Variants in NCAM2 observed in about 807,000 individuals in gnomAD.
NCAM2 encodes neural cell adhesion molecule 2, also known as N-CAM-2.
A neutral mutation model predicts 98.1 loss-of-function variants in NCAM2; 30 were observed. The ratio of observed to expected loss-of-function variants is 0.31; its 90% CI spans 0.23 to 0.41. The LOEUF (loss-of-function observed/expected upper bound fraction) is 0.41. Among genes scored for constraint, NCAM2 ranks in the 10% least tolerant of loss-of-function variants. The pLI is 1.00. For synonymous variants in NCAM2, 368 were observed against 342.4 expected (o/e 1.07, Z -0.83); for missense variants, 867 against 1,005.8 (o/e 0.86, Z 1.87).
intron 14 of NCAM2, among the ~76,000 whole-genome samples, chr21:21,473,213 C>T (rs964407663): frequency 6.6e-6 from 1 of 151,162 alleles, no homozygotes. Context: ...ATGAATCTGA[C>T]AGTGCCATGG....
At chr21:21,281,943 A>G (rs1369121467) in intron 2 of NCAM2, among the ~76,000 whole-genome samples, 4 of 151,768 alleles carry the variant, frequency 2.6e-5, no homozygotes, top group African/African-American at 4.8e-5. Flanking sequence ...TATGTATAAC[A>G]TGTCACATTT....
At chr21:21,096,377 A>C (rs1243399968) in intron 1 of NCAM2, among the ~76,000 whole-genome samples, 1 of 141,524 alleles carries the variant, frequency 7.1e-6, no homozygotes, top group Non-Finnish European at 1.5e-5. Context: ...AGTGCAAATT[A>C]AAACTGTGTA....
chr21:21,211,023 C>T (rs1276266692), intron 1 of NCAM2, among the ~76,000 whole-genome samples: 2 of 133,878 alleles, frequency 1.5e-5, no homozygotes, highest in African/African-American at 5.3e-5. Context: ...CACACACACA[C>T]GGGTTAGTAT....
At chr21:21,178,442 T>G (rs560684229) in intron 1 of NCAM2, among the ~76,000 whole-genome samples, 3 of 152,236 alleles carry the variant, frequency 2.0e-5, no homozygotes, top group African/African-American at 7.2e-5. Flanking sequence ...TCTACAATTT[T>G]TAATTTTTAT....
chr21:21,313,663 A>G (rs1433811207), intron 5 of NCAM2, among the ~76,000 whole-genome samples: 4 of 151,942 alleles, frequency 2.6e-5, no homozygotes, highest in Admixed American at 2.6e-4. Context: ...CTGTGTTTTT[A>G]TTCATGAAAT....
chr21:21,396,041 A>G (rs922439045), intron 9 of NCAM2, among the ~76,000 whole-genome samples: 5 of 152,202 alleles, frequency 3.3e-5, no homozygotes, highest in African/African-American at 1.2e-4. Flanking sequence ...AAATTTCTCT[A>G]CAGAAAAAGA....
chr21:21,388,226 C>T (rs1399091817), intron 9 of NCAM2, among the ~76,000 whole-genome samples: 5 of 152,284 alleles, frequency 3.3e-5, no homozygotes, highest in Middle Eastern at 3.4e-3. Context: ...CTAAGCCAAA[C>T]ATCAGTTCAT....
intron 12 of NCAM2, among the ~76,000 whole-genome samples, chr21:21,442,324 G>C (rs918126961): frequency 2.0e-5 from 3 of 152,162 alleles, no homozygotes; most frequent in African/African-American, 7.2e-5. Context: ...TTTAAAGGTA[G>C]TGTCCAGAGA....
At chr21:21,332,734 A>G (rs933149067) in intron 6 of NCAM2, among the ~76,000 whole-genome samples, 3 of 152,078 alleles carry the variant, frequency 2.0e-5, no homozygotes, top group Non-Finnish European at 2.9e-5. Flanking sequence ...ACCCAGATAC[A>G]TTGCCTGACT....
intron 9 of NCAM2, among the ~76,000 whole-genome samples, chr21:21,398,905 C>T (rs1395876862): frequency 2.6e-5 from 4 of 152,134 alleles, no homozygotes; most frequent in Admixed American, 2.6e-4. Flanking sequence ...TGAGAGTTGG[C>T]AGGAGGAAAA....
intron 1 of NCAM2, among the ~76,000 whole-genome samples, chr21:21,262,867 G>C (rs2071972588): frequency 6.6e-6 from 1 of 152,046 alleles, no homozygotes. Context: ...GCAGCAGAGA[G>C]AGAAGAGAGC....
chr21:21,305,024 A>T (rs2073836547), intron 5 of NCAM2, among the ~76,000 whole-genome samples: 1 of 152,186 alleles, frequency 6.6e-6, no homozygotes, highest in African/African-American at 2.4e-5. Context: ...CATAAATGAT[A>T]ATATCACTGT....
chr21:21,328,098 C>CT (rs1568938526), intron 6 of NCAM2, among the ~76,000 whole-genome samples: 1 of 152,076 alleles, frequency 6.6e-6, no homozygotes, highest in Non-Finnish European at 1.5e-5. Context: ...GCATAATGAC[C>CT]TATCAATGAC....
intron 5 of NCAM2, among the ~76,000 whole-genome samples, chr21:21,298,894 C>T (rs927913895): frequency 1.3e-5 from 2 of 151,100 alleles, no homozygotes; most frequent in South Asian, 4.1e-4. Context: ...ATTGGATTCC[C>T]ATTCTGAATT....
chr21:21,057,801 C>A (rs187292994), intron 1 of NCAM2, among the ~76,000 whole-genome samples: 1 of 152,196 alleles, frequency 6.6e-6, no homozygotes, highest in Non-Finnish European at 1.5e-5. Flanking sequence ...CTCCTAAAAG[C>A]TTCAGGCCTC....
intron 6 of NCAM2, among the ~76,000 whole-genome samples, chr21:21,326,288 A>G (rs1159590817): frequency 6.6e-6 from 1 of 152,186 alleles, no homozygotes; most frequent in Non-Finnish European, 1.5e-5. Flanking sequence ...TTTGATAGTA[A>G]TTTCAGATTC....
At chr21:21,327,402 T>C in intron 6 of NCAM2, among the ~76,000 whole-genome samples, 1 of 152,054 alleles carries the variant, frequency 6.6e-6, no homozygotes, top group South Asian at 2.1e-4. Flanking sequence ...TCCCTCTGTG[T>C]ACAAACTCAT....
intron 1 of NCAM2, among the ~76,000 whole-genome samples, chr21:21,051,024 C>A (rs1020565263): frequency 5.3e-5 from 8 of 152,124 alleles, no homozygotes; most frequent in Non-Finnish European, 1.0e-4. Flanking sequence ...CACTTGGTGT[C>A]CACCGTGATA....
chr21:21,354,697 A>G (rs879511208), intron 8 of NCAM2, among the ~76,000 whole-genome samples: 4 of 152,244 alleles, frequency 2.6e-5, no homozygotes, highest in African/African-American at 2.4e-5. Flanking sequence ...TAATTAGGAT[A>G]GAACCTGTTT....
Sources: allele counts gnomAD v4.1 joint callset (sites outside exome capture counted in the v4.1 genomes callset), GRCh38; gene constraint gnomAD v4.1.1; transcripts MANE v1.5; gene names NCBI Gene and HGNC (gene_info 2026-07-23, HGNC 2026-07-21).